BAZ2B: variants seen among roughly 807,000 people sequenced by gnomAD.
BAZ2B encodes the protein bromodomain adjacent to zinc finger domain 2B.
BAZ2B carries 91 observed loss-of-function variants against 246.0 expected under a neutral mutation model. The observed-to-expected ratio is 0.37, with a 90% CI of 0.31 to 0.44. The LOEUF (loss-of-function observed/expected upper bound fraction) is 0.44. Among genes scored for constraint, BAZ2B ranks in the 20% least tolerant of loss-of-function variants. The pLI, the probability that BAZ2B is intolerant of heterozygous loss-of-function variation, is 1.00. For synonymous variants in BAZ2B, 855 were observed against 860.0 expected (o/e 0.99, Z 0.10); for missense variants, 2,332 against 2,533.7 (o/e 0.92, Z 1.71).
In BAZ2B at chr2:159,332,546, A is replaced by G. The variant is rs1211563855; in HGVS notation, c.5937T>C (p.Ile1979=). The change falls in exon 34 of 37, where the codon ATT becomes ATC. Residue 1979 remains isoleucine, a synonymous_variant. Transcript: ENST00000392783. ...PDGDWFCPAC[I]AKASGQTLKI... ...AGTTTTAGATTGGTCTTACCTTAGC[A>G]ATGCAAGCTGGACAAAACCAGTCTC... 2 of 1,612,682 alleles carry G rather than the reference A, an allele frequency of 1.2e-6. No homozygotes were observed. Among genetic ancestry groups the G allele is most frequent in the Non-Finnish European group, 1.7e-6 (2 of 1,179,564 alleles).
intron 1 of BAZ2B, among the ~76,000 whole-genome samples, chr2:159,581,221 GA>G (rs964093030): frequency 1.0e-4 from 15 of 148,544 alleles, no homozygotes; most frequent in South Asian, 2.1e-4. Context: ...AAATTTACAA[GA>G]AAAAAAAAAT....
chr2:159,324,045 ATGCTGATCATTATAAGTTC>A (rs2063097111), intron 36 of BAZ2B, among the ~76,000 whole-genome samples: 1 of 152,224 alleles, frequency 6.6e-6, no homozygotes, highest in African/African-American at 2.4e-5. Flanking sequence ...TATGTGAGGG[ATGCTGATCATTATAAGTTC>A]TATTTAACTC....
chr2:159,680,393 G>T, the BAZ2B span, among the ~76,000 whole-genome samples: 35 of 152,282 alleles, frequency 2.3e-4, 1 homozygote, highest in East Asian at 4.6e-3. Flanking sequence ...GATTCTGATA[G>T]AATAAGTATA....
Position 159,495,484 on chromosome 2 carries a change from CAAAAAAAAAAAA to C in BAZ2B, c.-2-16775_-2-16764del, listed in dbSNP as rs56365046. 6.8e-5 allele frequency among the ~76,000 whole-genome samples: 5 copies of C among 73,214 alleles called. No individual in the cohort carries two copies. The East Asian group carries it at 1.3e-3, about 19-fold the overall frequency. 48.0% of individuals were successfully genotyped at this position (73,214 alleles called of 152,430 possible). A position where few individuals can be genotyped will look rare whatever the true frequency, so the allele number is the denominator to read the frequency against. On this transcript the variant is annotated intron_variant, in intron 2 of 36. Transcript: ENST00000392783. ...TGGGCGACAGAGCGAGACTCCGTCT[CAAAAAAAAAAAA>C]AAAAAAAAAAAAAAAAAAAATTTAA... is the stretch of plus-strand genomic sequence containing the variant.
the BAZ2B span, among the ~76,000 whole-genome samples, chr2:159,634,593 ATAT>A: frequency 6.6e-6 from 1 of 152,212 alleles, no homozygotes; most frequent in African/African-American, 2.4e-5. Context: ...TATAGACAAA[ATAT>A]TATTTCGCTG....
chr2:159,575,764 T>C (rs1391325669), intron 1 of BAZ2B, among the ~76,000 whole-genome samples: 1 of 152,198 alleles, frequency 6.6e-6, no homozygotes, highest in Non-Finnish European at 1.5e-5. Context: ...AACATGATTA[T>C]AAAACTCTTG....
chr2:159,467,596 G>C (rs982566905), intron 3 of BAZ2B, among the ~76,000 whole-genome samples: 5 of 152,142 alleles, frequency 3.3e-5, no homozygotes, highest in Non-Finnish European at 7.4e-5. Context: ...TATTTGGATT[G>C]GCTAGGCTGG....
chr2:159,681,119 G>T, the BAZ2B span, among the ~76,000 whole-genome samples: 61 of 151,894 alleles, frequency 4.0e-4, no homozygotes, highest in Admixed American at 1.2e-3. Flanking sequence ...TTCCAATACT[G>T]TAAGTTTTAC....
intron 27 of BAZ2B, among the ~76,000 whole-genome samples, chr2:159,359,291 C>T (rs1351210905): frequency 6.6e-6 from 1 of 152,160 alleles, no homozygotes. Context: ...ACTGATCCCA[C>T]AGAAATACAA....
At chr2:159,688,776 A>G in the BAZ2B span, among the ~76,000 whole-genome samples, 2 of 152,052 alleles carry the variant, frequency 1.3e-5, no homozygotes, top group East Asian at 3.9e-4. Context: ...CAAACCATTT[A>G]TTTTGTGAAA....
At chr2:159,463,263 C>T in intron 3 of BAZ2B, 2 of 400,634 alleles carry the variant, frequency 5.0e-6, no homozygotes, top group South Asian at 4.5e-5. Flanking sequence ...CCATCTTGGG[C>T]TGTTCTCAAC....
chr2:159,629,903 GT>G, the BAZ2B span, among the ~76,000 whole-genome samples: 3 of 152,136 alleles, frequency 2.0e-5, no homozygotes, highest in African/African-American at 7.2e-5. Flanking sequence ...GTGAATTCCA[GT>G]ATTTATCGTT....
intron 1 of BAZ2B, among the ~76,000 whole-genome samples, chr2:159,605,776 AT>A (rs1017745847): frequency 6.6e-6 from 1 of 152,160 alleles, no homozygotes; most frequent in African/African-American, 2.4e-5. Flanking sequence ...GTCACATTCA[AT>A]TTAGCTTTTC....
intron 13 of BAZ2B, among the ~76,000 whole-genome samples, chr2:159,424,608 T>C (rs1473757888): frequency 1.3e-5 from 2 of 152,084 alleles, no homozygotes; most frequent in East Asian, 3.8e-4. Flanking sequence ...TAAAAAATGA[T>C]GAAAAAAATA....
intron 2 of BAZ2B, among the ~76,000 whole-genome samples, chr2:159,543,750 G>C (rs1170153750): frequency 6.6e-6 from 1 of 152,148 alleles, no homozygotes; most frequent in Non-Finnish European, 1.5e-5. Context: ...TGGCCAGGCT[G>C]GTCTTGATCC....
chr2:159,533,574 T>TGATTTAA (rs142303606), intron 2 of BAZ2B, among the ~76,000 whole-genome samples: 4,733 of 152,270 alleles, frequency 0.031, 246 homozygotes, highest in African/African-American at 0.11. Context: ...TAATCTTGAC[T>TGATTTAA]GATTTAACAT....
chr2:159,394,690 A>G (rs1047129630), intron 20 of BAZ2B, among the ~76,000 whole-genome samples: 1 of 152,180 alleles, frequency 6.6e-6, no homozygotes, highest in Non-Finnish European at 1.5e-5. Context: ...GTTAAGTACT[A>G]TGTGGTGCCA....
At chr2:159,331,698 G>T (rs1170960624) in intron 34 of BAZ2B, among the ~76,000 whole-genome samples, 1 of 152,158 alleles carries the variant, frequency 6.6e-6, no homozygotes, top group Non-Finnish European at 1.5e-5. Context: ...GAATTTAAAG[G>T]CTGAGTATTA....
chr2:159,376,265 T>G (rs1445859396), intron 25 of BAZ2B, among the ~76,000 whole-genome samples: 1 of 152,186 alleles, frequency 6.6e-6, no homozygotes, highest in Non-Finnish European at 1.5e-5. Context: ...AATAAGAAGA[T>G]GCAGGTACAG....
Sources: gnomAD v4.1 joint callset for allele counts (sites outside exome capture counted in the v4.1 genomes callset) on GRCh38, gnomAD v4.1.1 for gene constraint, MANE v1.5 for transcripts, NCBI Gene and HGNC (gene_info 2026-07-23, HGNC 2026-07-21) for gene names.